Variants in PGM2L1 observed in about 807,000 individuals in gnomAD.
PGM2L1 encodes phosphoglucomutase 2 like 1.
In PGM2L1, 35 loss-of-function variants were observed where a neutral mutation model predicts 73.4. The observed-to-expected ratio is 0.48, with a 90% CI of 0.36 to 0.63. The LOEUF is 0.63. PGM2L1 is among the 30% of genes least tolerant of loss of function. The pLI is 0.00. For synonymous variants in PGM2L1, 225 were observed against 253.8 expected, an observed-to-expected ratio of 0.89 and a Z score of 1.08; for missense variants, 570 against 742.0, an observed-to-expected ratio of 0.77 and a Z score of 2.69.
chr11:74,354,817 G>A (rs1288695148), intron 5 of PGM2L1: 1 of 852,124 alleles, frequency 1.2e-6, no homozygotes, highest in African/African-American at 1.7e-5. Flanking sequence ...AGATTATTTT[G>A]AACAGTATGG....
Position 74,336,738 on chromosome 11 carries a change from C to T in PGM2L1, c.1783G>A (p.Glu595Lys). Residue 595 changes from glutamate (E) to lysine (K), a missense_variant, in exon 14 of 14, where the codon GAG becomes AAG. Glu to Lys is a moderately conservative substitution (Grantham distance 56). Coordinates refer to ENST00000298198, the MANE Select transcript of PGM2L1 (RefSeq NM_173582.6). Reference protein sequence around the residue: ...SPDQSDTALLEEELKKLIDAL... With the variant: ...SPDQSDTALLKEELKKLIDAL... ...TCAATGAGTTTCTTCAGTTCTTCCT[C>T]CAGTAAAGCAGTGTCACTGAGGAAA... 6.2e-7 allele frequency: 1 copy of T among 1,609,000 alleles called. No individual in the cohort carries two copies. The highest frequency in any genetic ancestry group is 8.5e-7 in the Non-Finnish European group (1 of 1,176,572).
At chr11:74,342,381 A>T in intron 12 of PGM2L1, 80 bp downstream of exon 12, 1 of 1,121,898 alleles carries the variant, frequency 8.9e-7, no homozygotes, top group Non-Finnish European at 1.2e-6. Flanking sequence ...CTCATGTGAA[A>T]TCTGTCCTGC....
chr11:74,372,861 G>A (rs1591184512), intron 2 of PGM2L1, among the ~76,000 whole-genome samples: 4 of 152,302 alleles, frequency 2.6e-5, no homozygotes, highest in East Asian at 3.9e-4. Context: ...TATAAGCTAT[G>A]AGTGAGTGCA....
intron 5 of PGM2L1, among the ~76,000 whole-genome samples, chr11:74,367,128 T>A (rs1862672607): frequency 6.6e-6 from 1 of 152,168 alleles, no homozygotes; most frequent in Admixed American, 6.5e-5. Flanking sequence ...TTGGTTTTTG[T>A]TTGGGTGGGT....
chr11:74,366,531 G>A (rs1410959593), intron 5 of PGM2L1, among the ~76,000 whole-genome samples: 3 of 151,634 alleles, frequency 2.0e-5, no homozygotes, highest in Non-Finnish European at 4.4e-5. Context: ...AGTCACTGAT[G>A]GAAGCCATTT....
rs116164785 is a variant in PGM2L1 at position 74,372,614 on chromosome 11, G to C, written c.280-797C>G. 1.8e-3 allele frequency among the ~76,000 whole-genome samples: 272 copies of C among 152,242 alleles called. 1 individual carries two copies. The highest frequency in any genetic ancestry group is 6.5e-3 in the African/African-American group (269 of 41,550). The stretch of plus-strand genomic sequence containing the variant: ...AACACCCTGAAAAGAAAGAAACGCA[G>C]ACACCATTTCTAATTTGGTCTCTTT... On this transcript the variant is annotated intron_variant, in intron 2 of 13. Coordinates refer to ENST00000298198, the MANE Select transcript of PGM2L1 (RefSeq NM_173582.6).
intron 1 of PGM2L1, among the ~76,000 whole-genome samples, chr11:74,378,669 G>A (rs1231594043): frequency 1.3e-5 from 2 of 152,106 alleles, no homozygotes; most frequent in Non-Finnish European, 2.9e-5. Flanking sequence ...CTGAAATGAA[G>A]AAAAGAAAGT....
Position 74,370,988 on chromosome 11 carries a change from T to C in PGM2L1, c.387-2A>G. Reference sequence around the variant, plus strand: ...ACTGCAGCAGTGAGTTTAGCAAGCCTAAAAAAAGAGAGATTTAACTTAGTC... The same window carrying C: ...ACTGCAGCAGTGAGTTTAGCAAGCCCAAAAAAAGAGAGATTTAACTTAGTC... On this transcript the variant is annotated splice_acceptor_variant, in intron 3 of 13. Transcript: ENST00000298198. LOFTEE classifies it high-confidence loss of function. 6.2e-7 allele frequency: 1 copy of C among 1,611,166 alleles called. No individual in the cohort carries two copies. Among genetic ancestry groups the C allele is most frequent in the East Asian group, 2.2e-5 (1 of 44,758 alleles).
intron 5 of PGM2L1, among the ~76,000 whole-genome samples, chr11:74,356,759 T>G (rs942199260): frequency 4.0e-5 from 6 of 151,882 alleles, no homozygotes; most frequent in Non-Finnish European, 4.4e-5. Flanking sequence ...AATGAGCAAA[T>G]AGTTTAACAG....
intron 5 of PGM2L1, among the ~76,000 whole-genome samples, chr11:74,366,903 C>T (rs899513172): frequency 1.3e-5 from 2 of 152,110 alleles, no homozygotes; most frequent in Non-Finnish European, 2.9e-5. Context: ...CATCTGTCTG[C>T]TTTGTGGAGA....
intron 1 of PGM2L1, among the ~76,000 whole-genome samples, chr11:74,376,228 T>C (rs1350271419): frequency 6.6e-6 from 1 of 152,172 alleles, no homozygotes; most frequent in Non-Finnish European, 1.5e-5. Context: ...ATTACTATTG[T>C]GTAGACGAAG....
chr11:74,351,445 T>G lies in PGM2L1; in HGVS notation c.687A>C (p.Arg229Ser), dbSNP rs111741641. The G allele has an allele frequency of 1.3e-5, 21 of 1,613,978 alleles. No individual in the cohort carries two copies. The highest frequency in any genetic ancestry group is 1.8e-5 in the Non-Finnish European group (21 of 1,180,016). ...TCCTGCAAATGTCCTGCAGAGGGTC[T>G]CTCTTCAGCGGGCTGGTATCCACTA... ...DNLVDTSPLK[R>S]DPLQDICRRY... The change falls in exon 6 of 14, where the codon AGA (arginine) becomes AGC (serine). Residue 229 changes from arginine to serine, a missense_variant. Transcript: ENST00000298198.
chr11:74,367,803 T>C (rs1862684473), intron 5 of PGM2L1, among the ~76,000 whole-genome samples: 1 of 152,218 alleles, frequency 6.6e-6, no homozygotes, highest in Non-Finnish European at 1.5e-5. Context: ...ATCACGCTTC[T>C]TCTCTGTCCC....
chr11:74,354,279 C>G (rs2134901915), intron 5 of PGM2L1, among the ~76,000 whole-genome samples: 1 of 152,232 alleles, frequency 6.6e-6, no homozygotes, highest in East Asian at 1.9e-4. Context: ...GCATTCCTAT[C>G]TGATATAGTA....
At chr11:74,358,901 CA>C (rs1444433711) in intron 5 of PGM2L1, among the ~76,000 whole-genome samples, 1 of 151,850 alleles carries the variant, frequency 6.6e-6, no homozygotes, top group Non-Finnish European at 1.5e-5. Context: ...AAAACAAAAA[CA>C]AAAACAAAAA....
rs557875071 is a variant in PGM2L1 at position 74,340,405 on chromosome 11, A to G, written c.1633-1804T>C. 5.3e-5 allele frequency among the ~76,000 whole-genome samples: 8 copies of G among 152,364 alleles called. No individual in the cohort carries two copies. In the East Asian group the frequency reaches 1.2e-3, roughly 22 times the overall value. On this transcript the variant is annotated intron_variant, in intron 12 of 13. Transcript: ENST00000298198. Reference sequence around the variant, plus strand: ...CTCTTCCAGCAATTTACAAAGATAGAAAAGTAGACACATATATACTCATAC... The same window carrying G: ...CTCTTCCAGCAATTTACAAAGATAGGAAAGTAGACACATATATACTCATAC...
chr11:74,393,695 C>G (rs921954954), intron 1 of PGM2L1, among the ~76,000 whole-genome samples: 2 of 152,118 alleles, frequency 1.3e-5, no homozygotes, highest in African/African-American at 4.8e-5. Context: ...CTTAAAATGC[C>G]GTGGCCAATT....
chr11:74,350,916 AGAAAGAGAGAGAGAGAGAG>A (rs1862341477), intron 6 of PGM2L1, among the ~76,000 whole-genome samples: 4 of 144,494 alleles, frequency 2.8e-5, no homozygotes, highest in African/African-American at 8.6e-5. Flanking sequence ...AGAGAGAGAG[AGAAAGAGAGAGAGAGAGAG>A]AGAAAGAAAC....
intron 5 of PGM2L1, among the ~76,000 whole-genome samples, chr11:74,363,259 T>C (rs1341775956): frequency 1.3e-5 from 2 of 152,174 alleles, no homozygotes; most frequent in Non-Finnish European, 2.9e-5. Flanking sequence ...GGGAAATTTA[T>C]AGCACTAAAT....
Sources: gnomAD v4.1 joint callset for allele counts (sites outside exome capture counted in the v4.1 genomes callset) on GRCh38, gnomAD v4.1.1 for gene constraint, MANE v1.5 for transcripts, NCBI Gene and HGNC (gene_info 2026-07-23, HGNC 2026-07-21) for gene names.